PTPRT: variants seen among roughly 807,000 people sequenced by gnomAD.
The protein encoded by PTPRT is protein tyrosine phosphatase receptor type T, also known as receptor-type tyrosine-protein phosphatase T.
PTPRT carries 56 observed loss-of-function variants against 176.8 expected under a neutral mutation model. The ratio of observed to expected loss-of-function variants is 0.32; its 90% confidence interval spans 0.26 to 0.40. The LOEUF (loss-of-function observed/expected upper bound fraction) is 0.40. Ranked by LOEUF, PTPRT falls within the 10% of genes least tolerant of loss-of-function variation. PTPRT has a pLI of 1.00. For synonymous variants in PTPRT, 783 were observed against 739.0 expected (o/e 1.06, Z -0.96); for missense variants, 1,540 against 1,908.2 (o/e 0.81, Z 3.60).
intron 2 of PTPRT, among the ~76,000 whole-genome samples, chr20:42,817,160 C>A (rs2077801185): frequency 6.6e-6 from 1 of 152,082 alleles, no homozygotes; most frequent in African/African-American, 2.4e-5. Flanking sequence ...TAGCAGAAAG[C>A]CAGTAGACAA....
At chr20:42,429,677 C>T (rs1191609492) in intron 9 of PTPRT, among the ~76,000 whole-genome samples, 1 of 152,144 alleles carries the variant, frequency 6.6e-6, no homozygotes, top group Non-Finnish European at 1.5e-5. Flanking sequence ...CTATCCTATG[C>T]CAGGAAGTCT....
chr20:42,717,875 G>C (rs1472862184), intron 6 of PTPRT, among the ~76,000 whole-genome samples: 2 of 152,198 alleles, frequency 1.3e-5, no homozygotes, highest in Non-Finnish European at 2.9e-5. Flanking sequence ...ACCTGTGTGT[G>C]TGTGTGTGTG....
chr20:42,981,502 T>C (rs915585565), intron 1 of PTPRT, among the ~76,000 whole-genome samples: 1 of 152,214 alleles, frequency 6.6e-6, no homozygotes, highest in Non-Finnish European at 1.5e-5. Context: ...GAAGAAGTAC[T>C]TGCGCATTGG....
chr20:43,010,826 A>C lies in PTPRT; in HGVS notation c.89-124894T>G, dbSNP rs147494239. 4.1e-3 allele frequency among the ~76,000 whole-genome samples: 628 copies of C among 152,198 alleles called. 3 individuals carry two copies. The highest frequency in any genetic ancestry group is 0.015 in the African/African-American group (603 of 41,526). ...CTTCACGTATCAAGGACAGTGTATT[A>C]TTACCCTCATAAAATTCCTTTCTTC... On this transcript the variant is annotated intron_variant, in intron 1 of 30. Transcript: ENST00000373187.
intron 7 of PTPRT, among the ~76,000 whole-genome samples, chr20:42,541,991 A>T (rs2072591503): frequency 6.6e-6 from 1 of 152,076 alleles, no homozygotes; most frequent in South Asian, 2.1e-4. Context: ...AAATTGAATC[A>T]TGGGGGTAGG....
intron 9 of PTPRT, among the ~76,000 whole-genome samples, chr20:42,401,430 C>G (rs905586555): frequency 6.6e-6 from 1 of 152,024 alleles, no homozygotes; most frequent in African/African-American, 2.4e-5. Flanking sequence ...TATTCCATAG[C>G]CTTCAAACTG....
intron 7 of PTPRT, among the ~76,000 whole-genome samples, chr20:42,508,924 A>ATTT (rs2071900001): frequency 3.5e-5 from 5 of 144,756 alleles, no homozygotes; most frequent in African/African-American, 1.2e-4. Flanking sequence ...TATAAATATA[A>ATTT]ATAATATAAT....
intron 1 of PTPRT, among the ~76,000 whole-genome samples, chr20:43,071,487 A>G (rs1189060362): frequency 6.6e-6 from 1 of 152,176 alleles, no homozygotes; most frequent in Non-Finnish European, 1.5e-5. Context: ...AACCCAGTTC[A>G]AGACAGGAAA....
At chr20:42,284,981 T>C (rs1261889013) in intron 12 of PTPRT, among the ~76,000 whole-genome samples, 1 of 144,488 alleles carries the variant, frequency 6.9e-6, no homozygotes, top group Admixed American at 6.9e-5. Context: ...AAAAGGAAAA[T>C]GGCTGAGAAA....
At chr20:42,973,265 C>G (rs1982758716) in intron 1 of PTPRT, among the ~76,000 whole-genome samples, 1 of 152,098 alleles carries the variant, frequency 6.6e-6, no homozygotes, top group African/African-American at 2.4e-5. Context: ...CTGGGAAAGA[C>G]TGAGGAAGTA....
At chr20:42,183,715 TGCC>T (rs1801903477) in intron 16 of PTPRT, among the ~76,000 whole-genome samples, 2 of 152,202 alleles carry the variant, frequency 1.3e-5, no homozygotes, top group South Asian at 4.1e-4. Context: ...TATATGCATA[TGCC>T]ATTTTTCCTA....
rs892027643 is a variant in PTPRT at position 42,219,861 on chromosome 20, G to C, written c.2342+16368C>G. Among the ~76,000 whole-genome samples the C allele has an allele frequency of 2.6e-5, 4 of 152,244 alleles. No homozygotes were observed. The East Asian group carries it at 7.8e-4, about 30-fold the overall frequency. On this transcript the variant is annotated intron_variant, in intron 15 of 30. Coordinates refer to ENST00000373187, the MANE Select transcript of PTPRT (RefSeq NM_007050.6). ...TTAATTGGATGGAGCCTGGCTTTTA[G>C]AGCAATACAGAATATGACAAGGCAA...
chr20:43,011,336 T>C (rs1246217030), intron 1 of PTPRT, among the ~76,000 whole-genome samples: 1 of 152,082 alleles, frequency 6.6e-6, no homozygotes, highest in Non-Finnish European at 1.5e-5. Context: ...GTCTTACATG[T>C]CTCCTCCTGT....
In PTPRT at chr20:42,201,562, T is replaced by C. The variant is rs556302013; in HGVS notation, c.2343-2174A>G. Among the ~76,000 whole-genome samples the C allele has an allele frequency of 3.3e-5, 5 of 151,930 alleles. No individual in the cohort carries two copies. The East Asian group carries it at 9.7e-4, about 30-fold the overall frequency. On this transcript the variant is annotated intron_variant, in intron 15 of 30. Coordinates refer to ENST00000373187, the MANE Select transcript of PTPRT (RefSeq NM_007050.6). ...GACCCATAATATACTAGTGCCTCAG[T>C]AGGAGAGCTGTTTATTACCTATGGG...
intron 1 of PTPRT, among the ~76,000 whole-genome samples, chr20:43,009,691 T>C (rs1172855830): frequency 2.6e-5 from 4 of 152,186 alleles, no homozygotes; most frequent in Non-Finnish European, 4.4e-5. Context: ...TGGATTTGCA[T>C]GTTAGGAAGA....
intron 1 of PTPRT, among the ~76,000 whole-genome samples, chr20:43,186,631 G>A (rs1346797024): frequency 6.6e-6 from 1 of 152,234 alleles, no homozygotes; most frequent in Non-Finnish European, 1.5e-5. Flanking sequence ...ATTAAGTTGA[G>A]TAGAAAGAGA....
intron 9 of PTPRT, among the ~76,000 whole-genome samples, chr20:42,415,003 G>A (rs1387466256): frequency 6.6e-6 from 1 of 152,166 alleles, no homozygotes; most frequent in East Asian, 1.9e-4. Context: ...GAAACTGTAT[G>A]GTAATCGTGC....
chr20:42,270,454 C>G (rs1471787331), intron 13 of PTPRT: 5 of 1,470,634 alleles, frequency 3.4e-6, no homozygotes, highest in Non-Finnish European at 4.6e-6. Context: ...CCCATTGGTG[C>G]TGACCACAAG....
At chr20:42,176,494 G>T (rs2146566468) in intron 16 of PTPRT, among the ~76,000 whole-genome samples, 1 of 152,186 alleles carries the variant, frequency 6.6e-6, no homozygotes, top group Admixed American at 6.5e-5. Context: ...TTTCTCATTG[G>T]CTCCAGGGTT....
Sources: allele counts gnomAD v4.1 joint callset (sites outside exome capture counted in the v4.1 genomes callset), GRCh38; gene constraint gnomAD v4.1.1; transcripts MANE v1.5; gene names NCBI Gene and HGNC (gene_info 2026-07-23, HGNC 2026-07-21).